TSC22D1: variants seen among roughly 807,000 people sequenced by gnomAD.
The protein encoded by TSC22D1 is TSC22 domain family protein 1.
A neutral mutation model predicts 74.2 loss-of-function variants in TSC22D1; 9 were observed. That is an observed-to-expected ratio of 0.12 (90% confidence interval 0.07 to 0.21). The LOEUF (loss-of-function observed/expected upper bound fraction) is 0.21. Ranked by LOEUF, TSC22D1 falls within the 10% of genes least tolerant of loss-of-function variation. The pLI is 1.00. For missense variants in TSC22D1, 1,427 were observed against 1,304.7 expected, an observed-to-expected ratio of 1.09 and a Z score of -1.44; for synonymous variants, 586 against 492.5, an observed-to-expected ratio of 1.19 and a Z score of -2.51.
rs77689652 is a variant in TSC22D1, at chr13:44,572,573, C to T, written c.2912+590G>A. 1.2e-3 allele frequency among the ~76,000 whole-genome samples: 184 copies of T among 152,292 alleles called. No individual in the cohort carries two copies. In the East Asian group the frequency reaches 0.023, roughly 19 times the overall value. ...CTCCTTTCCCACAAAATAAGATTCC[C>T]ATTCCTTTACTGTTCAGATAAAATG... On this transcript the variant is annotated intron_variant, in intron 1 of 2. Transcript: ENST00000458659.
intron 1 of TSC22D1, among the ~76,000 whole-genome samples, chr13:44,482,531 T>C (rs1203102382): frequency 6.6e-6 from 1 of 152,058 alleles, no homozygotes; most frequent in Non-Finnish European, 1.5e-5. Context: ...AGAGTGAGAC[T>C]CCATCTCAAA....
chr13:44,443,103 G>T (rs1045441574), intron 1 of TSC22D1, among the ~76,000 whole-genome samples: 7 of 149,948 alleles, frequency 4.7e-5, no homozygotes, highest in African/African-American at 7.4e-5. Flanking sequence ...ATAACCTACA[G>T]ATCCAAGAAG....
At chr13:44,437,260 T>TCTGAGCTA (rs1280865779) in intron 1 of TSC22D1, 2 of 985,372 alleles carry the variant, frequency 2.0e-6, no homozygotes, top group African/African-American at 3.5e-5. Flanking sequence ...ACCCGAACCG[T>TCTGAGCTA]CTGAGCTACT....
intron 1 of TSC22D1, among the ~76,000 whole-genome samples, chr13:44,571,488 G>A (rs1346583491): frequency 6.6e-6 from 1 of 152,074 alleles, no homozygotes; most frequent in Admixed American, 6.5e-5. Context: ...GACCACAAAT[G>A]GCAATTACAA....
intron 1 of TSC22D1, among the ~76,000 whole-genome samples, chr13:44,509,790 T>G (rs1879603763): frequency 6.6e-6 from 1 of 152,054 alleles, no homozygotes; most frequent in Non-Finnish European, 1.5e-5. Flanking sequence ...AGATACCTTC[T>G]AAATCTATTA....
chr13:44,468,908 C>A (rs1466226276), intron 1 of TSC22D1, among the ~76,000 whole-genome samples: 1 of 130,480 alleles, frequency 7.7e-6, no homozygotes, highest in South Asian at 2.3e-4. Context: ...TAGCAAGTTG[C>A]TATGTTTTAT....
Position 44,523,343 on chromosome 13 carries a change from G to A in TSC22D1, c.2912+49820C>T, listed in dbSNP as rs149279072. On this transcript the variant is annotated intron_variant, in intron 1 of 2. Transcript: ENST00000458659. ...ACAAGTCCACATAAAAACCTGCACA[G>A]GAATGTTTGCGGCAGCTTTATTCAG... Among the ~76,000 whole-genome samples, 705 of 152,216 alleles carry A rather than the reference G, an allele frequency of 4.6e-3. 3 individuals carry two copies. The highest frequency in any genetic ancestry group is 0.016 in the African/African-American group (657 of 41,536).
chr13:44,538,101 A>G (rs1881257493), intron 1 of TSC22D1: 5 of 985,324 alleles, frequency 5.1e-6, no homozygotes, highest in Non-Finnish European at 6.0e-6. Flanking sequence ...CTTCACACCT[A>G]CAGGCTTATT....
chr13:44,542,805 C>A (rs1265132835), intron 1 of TSC22D1, among the ~76,000 whole-genome samples: 2 of 151,914 alleles, frequency 1.3e-5, no homozygotes, highest in African/African-American at 4.8e-5. Flanking sequence ...AAAATGGGGT[C>A]ATTATTTGAA....
At position 44,436,719 on chromosome 13, in the gene TSC22D1, C is replaced by G. The variant is rs921467853; in HGVS notation, c.2913-624G>C. On this transcript the variant is annotated intron_variant, in intron 1 of 2. Coordinates refer to ENST00000458659, the MANE Select transcript of TSC22D1 (RefSeq NM_183422.4). ...GATAAAATCTTCTGGCTTTCCGCAGCCCAGGGAGAAACAGAAAACGGCAGC... is the reference window on the plus strand; with the variant it reads ...GATAAAATCTTCTGGCTTTCCGCAGGCCAGGGAGAAACAGAAAACGGCAGC... 3.3e-6 allele frequency: 5 copies of G among 1,507,830 alleles called. No individual in the cohort carries two copies. In the African/African-American group the frequency reaches 7.0e-5, roughly 21 times the overall value. The allele number at this position is 1,507,830 out of a possible 1,614,324, so 93.4% of individuals were successfully genotyped here.
At chr13:44,554,992 G>T (rs1263093255) in intron 1 of TSC22D1, among the ~76,000 whole-genome samples, 2 of 151,942 alleles carry the variant, frequency 1.3e-5, no homozygotes, top group Non-Finnish European at 2.9e-5. Context: ...TTTTTGTTAG[G>T]CCAATGTGTC....
intron 1 of TSC22D1, among the ~76,000 whole-genome samples, chr13:44,478,913 G>A (rs1878047324): frequency 6.6e-6 from 1 of 151,874 alleles, no homozygotes; most frequent in South Asian, 2.1e-4. Context: ...GTGTGTGTGT[G>A]TATTTATGTA....
chr13:44,567,955 G>T (rs561624292), intron 1 of TSC22D1, among the ~76,000 whole-genome samples: 44 of 152,088 alleles, frequency 2.9e-4, no homozygotes, highest in Admixed American at 1.3e-4. Context: ...TTTTAAAAAT[G>T]AGAGGAAGAA....
At chr13:44,480,246 C>G (rs1486372213) in intron 1 of TSC22D1, among the ~76,000 whole-genome samples, 3 of 152,074 alleles carry the variant, frequency 2.0e-5, no homozygotes, top group Non-Finnish European at 2.9e-5. Flanking sequence ...ATTTAACATT[C>G]ATTAACATTA....
chr13:44,445,216 TACACACACACACAC>T (rs55714213), intron 1 of TSC22D1, among the ~76,000 whole-genome samples: 3,366 of 144,758 alleles, frequency 0.023, 76 homozygotes, highest in African/African-American at 0.053. Flanking sequence ...AGGTCAAAGA[TACACACACACACAC>T]ACACACACAC....
rs1039356059 is a variant in TSC22D1, at chr13:44,510,021, T to C, written c.2912+63142A>G. 3.1e-4 allele frequency among the ~76,000 whole-genome samples: 47 copies of C among 150,840 alleles called. 1 individual carries two copies. The highest frequency in any genetic ancestry group is 5.8e-4 in the Non-Finnish European group (39 of 67,762). ...CAAGGAAAATGAGTTCTCATGTACT[T>C]TGCTAGTGAAGCTATAGTCAAGGCC... On this transcript the variant is annotated intron_variant, in intron 1 of 2. Coordinates refer to ENST00000458659, the MANE Select transcript of TSC22D1 (RefSeq NM_183422.4).
intron 1 of TSC22D1, among the ~76,000 whole-genome samples, chr13:44,566,149 C>T (rs1412344794): frequency 1.3e-5 from 2 of 152,034 alleles, no homozygotes; most frequent in African/African-American, 2.4e-5. Flanking sequence ...ATGAAGCCTG[C>T]CTATTTTTTA....
chr13:44,436,320 T>TGGCTGCTC, intron 1 of TSC22D1: 1 of 943,828 alleles, frequency 1.1e-6, no homozygotes. Context: ...TTACATAATG[T>TGGCTGCTC]GGGGAAAGCC....
chr13:44,434,356 A>G lies in TSC22D1; in HGVS notation c.*270T>C. 1 of 1,371,278 alleles carries G rather than the reference A, an allele frequency of 7.3e-7. No homozygotes were observed. Among genetic ancestry groups the G allele is most frequent in the South Asian group, 1.9e-5 (1 of 52,760 alleles). 84.9% of individuals were successfully genotyped at this position (1,371,278 alleles called of 1,614,324 possible). On this transcript the variant is annotated 3_prime_UTR_variant, in exon 3 of 3. Coordinates refer to ENST00000458659, the MANE Select transcript of TSC22D1 (RefSeq NM_183422.4). ...ACAGCTCCTGAGCATGAATTAAACC[A>G]TTTCTCAGATATCTGCCAAGCTGCA...
Sources: allele counts gnomAD v4.1 joint callset (sites outside exome capture counted in the v4.1 genomes callset), GRCh38; gene constraint gnomAD v4.1.1; transcripts MANE v1.5; gene names NCBI Gene and HGNC (gene_info 2026-07-23, HGNC 2026-07-21).